The following C6orf132 variants were observed in gnomAD, a reference collection of about 807,000 sequenced individuals.
The protein encoded by C6orf132 is uncharacterized protein C6orf132.
A neutral mutation model predicts 65.3 loss-of-function variants in C6orf132; 43 were observed. The observed-to-expected ratio is 0.66, with a 90% CI of 0.52 to 0.85. C6orf132 has a LOEUF of 0.85. Among genes scored for constraint, C6orf132 ranks in the 40% least tolerant of loss-of-function variants. C6orf132 has a pLI of 0.00. For synonymous variants in C6orf132, 631 were observed against 654.1 expected, an observed-to-expected ratio of 0.96 and a Z score of 0.54; for missense variants, 1,488 against 1,548.8, an observed-to-expected ratio of 0.96 and a Z score of 0.66.
In C6orf132 at chr6:42,106,868, G is replaced by C. The variant is rs924486706; in HGVS notation, c.1044C>G (p.Pro348=). The change falls in exon 4 of 5, where the codon CCC becomes CCG. Residue 348 remains proline, a synonymous_variant. Coordinates refer to ENST00000341865, the MANE Select transcript of C6orf132 (RefSeq NM_001164446.3). ...LPLPPSFHIR[P]ASQVYPDRAP... is the part of the protein sequence containing the mutation. The stretch of plus-strand genomic sequence containing the variant: ...CCCTGTCTGGGTAGACCTGGGAGGC[G>C]GGGCGGATGTGGAAGCTGGGAGGCA... 1 of 1,535,482 alleles carries C rather than the reference G, an allele frequency of 6.5e-7. No individual in the cohort carries two copies. The highest frequency in any genetic ancestry group is 8.7e-7 in the Non-Finnish European group (1 of 1,146,148).
At chr6:42,128,974 G>A (rs1269118365) in intron 1 of C6orf132, among the ~76,000 whole-genome samples, 196 bp from the exon 2 acceptor site, 1 of 152,178 alleles carries the variant, frequency 6.6e-6, no homozygotes, top group African/African-American at 2.4e-5. Context: ...CTGAGGTGGC[G>A]CTGGGTGAGG....
chr6:42,117,169 G>C (rs9349220), intron 2 of C6orf132, among the ~76,000 whole-genome samples: 65,522 of 152,042 alleles, frequency 0.43, 14,343 homozygotes, highest in Middle Eastern at 0.57. Flanking sequence ...TGATCCTCAG[G>C]CTCTGTGTGC....
intron 2 of C6orf132, among the ~76,000 whole-genome samples, chr6:42,114,116 T>G (rs1048562320): frequency 2.0e-5 from 3 of 152,186 alleles, no homozygotes; most frequent in Non-Finnish European, 2.9e-5. Context: ...CTATGCCCTT[T>G]GATCTTAAAG....
At chr6:42,129,720 G>A (rs1766823608) in intron 1 of C6orf132, among the ~76,000 whole-genome samples, 1 of 152,206 alleles carries the variant, frequency 6.6e-6, no homozygotes, top group South Asian at 2.1e-4. Flanking sequence ...CCTTGGCAGG[G>A]ATCGCTGTGG....
Position 42,131,981 on chromosome 6 carries a change from G to A in C6orf132, c.146-3203C>T, listed in dbSNP as rs74617197. On this transcript the variant is annotated intron_variant, in intron 1 of 4. Transcript: ENST00000341865. ...GGGGTCAGAGAGGGAAACGTGATACGGGAGCAGAGGTGGGGTGATGCGCTG... is the reference window on the plus strand; with the variant it reads ...GGGGTCAGAGAGGGAAACGTGATACAGGAGCAGAGGTGGGGTGATGCGCTG... Among the ~76,000 whole-genome samples, 246 of 152,284 alleles carry A rather than the reference G, an allele frequency of 1.6e-3. 2 individuals are homozygous for A. The highest frequency in any genetic ancestry group is 5.5e-3 in the African/African-American group (229 of 41,554).
rs1766353903 is a variant in C6orf132 at position 42,104,536 on chromosome 6, C to CGGCG, written c.3372_3375dup (p.Ala1126ArgfsTer71). The CGGCG allele has an allele frequency of 8.1e-7, 1 of 1,234,488 alleles. No individual in the cohort carries two copies. The highest frequency in any genetic ancestry group is 3.2e-5 in the East Asian group (1 of 31,564). The allele number at this position is 1,234,488 out of a possible 1,614,324, so 76.5% of individuals were successfully genotyped here. On this transcript the variant is annotated frameshift_variant, in exon 4 of 5. Coordinates refer to ENST00000341865, the MANE Select transcript of C6orf132 (RefSeq NM_001164446.3). LOFTEE classifies it high-confidence loss of function. This position sits in a 1 kb window ranked among gnomAD's most constrained non-coding sequence, Gnocchi z 4.1. ...TGCTTGGCCTCCGCGGCGCCCCGGG[C>CGGCG]GGCGCCCTCCAGGGACAGCCTCGGC...
chr6:42,102,808 C>G lies in C6orf132; in HGVS notation c.*953G>C. ...TCTCTGCTGCCTCCACTCTCCAAGG[C>G]TTTCTAGCATCTTAAGGCATCAAGA... On this transcript the variant is annotated 3_prime_UTR_variant, in exon 5 of 5. Coordinates refer to ENST00000341865, the MANE Select transcript of C6orf132 (RefSeq NM_001164446.3). 2.9e-6 allele frequency: 1 copy of G among 339,298 alleles called. No homozygotes were observed. Among genetic ancestry groups the G allele is most frequent in the Non-Finnish European group, 5.3e-6 (1 of 188,764 alleles). The allele number at this position is 339,298 out of a possible 1,614,324, so 21.0% of individuals were successfully genotyped here.
At position 42,104,230 on chromosome 6, in the gene C6orf132, GA is replaced by G; in HGVS notation, c.3449+232del. Among the ~76,000 whole-genome samples, 1 of 152,038 alleles carries G rather than the reference GA, an allele frequency of 6.6e-6. No individual in the cohort carries two copies. The highest frequency in any genetic ancestry group is 1.5e-5 in the Non-Finnish European group (1 of 68,046). The stretch of plus-strand genomic sequence containing the variant: ...CTGACCTCTGGGATCTAGCGGGCAG[GA>G]GAGAGACAGACGAGAGGAGCTGGTG... On this transcript the variant is annotated intron_variant, in intron 4 of 4. Coordinates refer to ENST00000341865, the MANE Select transcript of C6orf132 (RefSeq NM_001164446.3). This position sits in a 1 kb window ranked among gnomAD's most constrained non-coding sequence, Gnocchi z 4.1.
At chr6:42,118,469 G>A (rs1250450489) in intron 2 of C6orf132, among the ~76,000 whole-genome samples, 1 of 152,200 alleles carries the variant, frequency 6.6e-6, no homozygotes, top group East Asian at 1.9e-4. Context: ...CCAGGGTGCT[G>A]CCAGCAGGGG....
chr6:42,105,089 C>T lies in C6orf132; in HGVS notation c.2823G>A (p.Gln941=), dbSNP rs1766370460. The T allele has an allele frequency of 1.3e-6, 2 of 1,536,908 alleles. No homozygotes were observed. The highest frequency in any genetic ancestry group is 1.7e-6 in the Non-Finnish European group (2 of 1,146,884). The change falls in exon 4 of 5, where the codon CAG becomes CAA. Residue 941 remains glutamine, a synonymous_variant. Transcript: ENST00000341865. ...CTACTCTTTCCCAGGCCACAGGGGC[C>T]TGGGGCTCTGGCTTTGTCCAGTTGT... ...RRHNWTKPEP[Q]APVAWERVAP...
rs1037441117 is a variant in C6orf132 at position 42,104,773 on chromosome 6, C to A, written c.3139G>T (p.Gly1047Trp). ...SRFPAGARYAGAGGLERFSGG... is the reference protein window; with the variant it reads ...SRFPAGARYAWAGGLERFSGG... ...GAGAAGCGCTCCAGGCCCCCAGCCC[C>A]GGCGTAGCGCGCGCCCGCGGGAAAG... Residue 1047 changes from glycine (G) to tryptophan (W), a missense_variant, in exon 4 of 5, where the codon GGG (glycine) becomes TGG (tryptophan). Gly to Trp is a radical substitution (Grantham distance 184). Coordinates refer to ENST00000341865, the MANE Select transcript of C6orf132 (RefSeq NM_001164446.3). This position sits in a 1 kb window ranked among gnomAD's most constrained non-coding sequence, Gnocchi z 4.1. The A allele has an allele frequency of 6.6e-7, 1 of 1,508,216 alleles. No homozygotes were observed. The highest frequency in any genetic ancestry group is 8.8e-7 in the Non-Finnish European group (1 of 1,135,176). The allele number at this position is 1,508,216 out of a possible 1,614,324, so 93.4% of individuals were successfully genotyped here.
chr6:42,123,626 A>ACAGGC (rs1766724718), intron 2 of C6orf132, among the ~76,000 whole-genome samples: 1 of 152,044 alleles, frequency 6.6e-6, no homozygotes, highest in African/African-American at 2.4e-5. Context: ...AAACAGAGGG[A>ACAGGC]CAGGCTCTGG....
chr6:42,136,662 G>A (rs1467602405), intron 1 of C6orf132, among the ~76,000 whole-genome samples: 1 of 152,202 alleles, frequency 6.6e-6, no homozygotes, highest in Non-Finnish European at 1.5e-5. Context: ...ACTCACAGAT[G>A]GCTTTAATGA....
In C6orf132 at chr6:42,106,785, A is replaced by G. The variant is rs566897825; in HGVS notation, c.1127T>C (p.Leu376Pro). 92 of 1,534,448 alleles carry G rather than the reference A, an allele frequency of 6.0e-5. 1 individual carries two copies. The South Asian group carries it at 8.5e-4, about 14-fold the overall frequency. The change falls in exon 4 of 5, where the codon CTT becomes CCT. Residue 376 changes from leucine (L) to proline (P), a missense_variant. Transcript: ENST00000341865. Reference protein sequence around the residue: ...LKATAPASPRLGQSQSQADER... With the variant: ...LKATAPASPRPGQSQSQADER... ...ATCTGCTTGGGACTGGGACTGGCCA[A>G]GCCTTGGGCTGGCTGGTGCTGTGGC...
intron 1 of C6orf132, among the ~76,000 whole-genome samples, chr6:42,136,635 G>C (rs569853640): frequency 1.3e-5 from 2 of 152,194 alleles, no homozygotes; most frequent in Non-Finnish European, 2.9e-5. Flanking sequence ...CAGCGGGGGC[G>C]GCCCCATGTG....
chr6:42,132,748 T>G (rs1163893841), intron 1 of C6orf132, among the ~76,000 whole-genome samples: 1 of 150,806 alleles, frequency 6.6e-6, no homozygotes, highest in Non-Finnish European at 1.5e-5. Flanking sequence ...CTCAGGATAC[T>G]CAGGAGGCTG....
At position 42,107,120 on chromosome 6, in the gene C6orf132, C is replaced by T; in HGVS notation, c.792G>A (p.Leu264=). The T allele has an allele frequency of 6.9e-7, 1 of 1,452,846 alleles. No homozygotes were observed. Among genetic ancestry groups the T allele is most frequent in the Non-Finnish European group, 9.0e-7 (1 of 1,106,596 alleles). The allele number at this position is 1,452,846 out of a possible 1,614,324, so 90.0% of individuals were successfully genotyped here. Residue 264 remains leucine (L), a synonymous_variant, in exon 4 of 5, where the codon CTG becomes CTA. Transcript: ENST00000341865. Reference sequence around the variant, plus strand: ...TGGTGGCCTCTGCCTGCCTGCCATTCAGTGCTACATCTGATTTCCACTTGG... The same window carrying T: ...TGGTGGCCTCTGCCTGCCTGCCATTTAGTGCTACATCTGATTTCCACTTGG... ...GVTKWKSDVA[L]NGRQAEATRA... is the part of the protein sequence containing the mutation.
At position 42,107,495 on chromosome 6, in the gene C6orf132, G is replaced by A. The variant is rs1582269811; in HGVS notation, c.417C>T (p.Ile139=). ...RPGQYGQDLL[I]PPPPPGPAPG... The stretch of plus-strand genomic sequence containing the variant: ...GGGCTGGGCCTGGGGGAGGTGGGGG[G>A]ATGAGTAGATCCTGGCCATATTGTC... Residue 139 remains isoleucine, a synonymous_variant, in exon 4 of 5, where the codon ATC becomes ATT. Transcript: ENST00000341865. 3.9e-6 allele frequency: 6 copies of A among 1,545,446 alleles called. No individual in the cohort carries two copies. In the African/African-American group the frequency reaches 4.1e-5, roughly 11 times the overall value.
chr6:42,108,546 C>T (rs1237117343), intron 3 of C6orf132, among the ~76,000 whole-genome samples: 1 of 152,208 alleles, frequency 6.6e-6, no homozygotes, highest in South Asian at 2.1e-4. Context: ...GAGCAATTTG[C>T]ACAAACTACT....
Sources: allele counts gnomAD v4.1 joint callset (sites outside exome capture counted in the v4.1 genomes callset), GRCh38; gene constraint gnomAD v4.1.1; non-coding constraint Gnocchi (gnomAD v3.1); transcripts MANE v1.5; gene names NCBI Gene and HGNC (gene_info 2026-07-23, HGNC 2026-07-21).